The following SIL1 variants were observed in gnomAD, a reference collection of about 807,000 sequenced individuals.
The protein encoded by SIL1 is nucleotide exchange factor SIL1.
In SIL1, 40 loss-of-function variants were observed where a neutral mutation model predicts 49.1. The ratio of observed to expected loss-of-function variants is 0.81; its 90% CI spans 0.63 to 1.06. The LOEUF (loss-of-function observed/expected upper bound fraction) is 1.06. Ranked by LOEUF, SIL1 falls within the 50% of genes least tolerant of loss-of-function variation. The probability of loss-of-function intolerance (pLI) is 0.00; values close to 1 mark genes in which losing one functional copy is unlikely to be tolerated. For synonymous variants in SIL1, 253 were observed against 250.8 expected (o/e 1.01, Z -0.08); for missense variants, 500 against 572.6 (o/e 0.87, Z 1.29).
At chr5:139,083,805 T>C (rs113838095) in intron 3 of SIL1, among the ~76,000 whole-genome samples, 2,670 of 15,020 alleles carry the variant, frequency 0.18, 352 homozygotes, top group Middle Eastern at 0.3. Flanking sequence ...AGGGTTTTTA[T>C]GGTTTTAGGT....
intron 3 of SIL1, among the ~76,000 whole-genome samples, chr5:139,120,672 A>G (rs187922817): frequency 1.6e-3 from 242 of 152,294 alleles, no homozygotes; most frequent in African/African-American, 5.6e-3. Flanking sequence ...CCCAAGAACA[A>G]TATTTCAGCA....
In SIL1 at chr5:139,170,097, A is replaced by C. The variant is rs554090834; in HGVS notation, c.-11+28172T>G. On this transcript the variant is annotated intron_variant, in intron 1 of 9. Transcript: ENST00000394817. ...TTGGCCGGGCTGGTCTCCAGCTCCT[A>C]ACCGCGAGTGATCCGCCAGCCTCGG... 8.5e-5 allele frequency among the ~76,000 whole-genome samples: 13 copies of C among 152,292 alleles called. No homozygotes were observed. In the South Asian group the frequency reaches 2.7e-3, roughly 32 times the overall value.
intron 1 of SIL1, among the ~76,000 whole-genome samples, chr5:139,155,052 C>G (rs939060319): frequency 6.6e-6 from 1 of 152,274 alleles, no homozygotes; most frequent in East Asian, 1.9e-4. Flanking sequence ...GGATACGTAC[C>G]TTTTGGCTGA....
intron 3 of SIL1, among the ~76,000 whole-genome samples, chr5:139,116,622 T>C (rs886564591): frequency 6.6e-6 from 1 of 152,222 alleles, no homozygotes; most frequent in African/African-American, 2.4e-5. Context: ...TACATAGATA[T>C]ATATTTTTAA....
chr5:139,153,700 G>A (rs555769719), intron 1 of SIL1, among the ~76,000 whole-genome samples: 11 of 152,282 alleles, frequency 7.2e-5, no homozygotes, highest in African/African-American at 2.6e-4. Flanking sequence ...ACAGTGTTAA[G>A]TAACTGAGAT....
intron 5 of SIL1, among the ~76,000 whole-genome samples, chr5:139,038,336 A>G (rs1187956450): frequency 6.6e-6 from 1 of 152,224 alleles, no homozygotes; most frequent in East Asian, 1.9e-4. Flanking sequence ...CTTTTTCAGT[A>G]GGTAGACATC....
chr5:139,056,595 TG>T (rs1175357778), intron 3 of SIL1, among the ~76,000 whole-genome samples: 1 of 126,488 alleles, frequency 7.9e-6, no homozygotes, highest in East Asian at 2.5e-4. Flanking sequence ...GGGAGGGAGG[TG>T]GGGGGGTCAG....
At chr5:138,989,395 C>A (rs542166584) in intron 7 of SIL1, among the ~76,000 whole-genome samples, 1 of 152,146 alleles carries the variant, frequency 6.6e-6, no homozygotes, top group East Asian at 1.9e-4. Flanking sequence ...CCAAAAATTA[C>A]AGAAATTATC....
chr5:139,170,284 G>A (rs1339480463), intron 1 of SIL1, among the ~76,000 whole-genome samples: 4 of 152,078 alleles, frequency 2.6e-5, no homozygotes, highest in Non-Finnish European at 4.4e-5. Flanking sequence ...CTGCCCGGCC[G>A]CCACCCCGTC....
At chr5:139,018,274 A>C (rs1168264375) in intron 7 of SIL1, among the ~76,000 whole-genome samples, 1 of 152,152 alleles carries the variant, frequency 6.6e-6, no homozygotes, top group Non-Finnish European at 1.5e-5. Flanking sequence ...CAAGCAGGCA[A>C]ATAAATGCCC....
intron 3 of SIL1, among the ~76,000 whole-genome samples, chr5:139,083,299 A>G (rs1363711825): frequency 1.3e-5 from 2 of 152,188 alleles, no homozygotes; most frequent in African/African-American, 4.8e-5. Context: ...ATTTTTAAAA[A>G]ATCAAATGTG....
chr5:139,184,682 A>G (rs1752047633), intron 1 of SIL1, among the ~76,000 whole-genome samples: 2 of 152,302 alleles, frequency 1.3e-5, no homozygotes, highest in Admixed American at 1.3e-4. Context: ...TAAAAAAACT[A>G]CAACTAAAAA....
intron 7 of SIL1, among the ~76,000 whole-genome samples, chr5:138,988,674 A>G (rs1295185882): frequency 6.6e-6 from 1 of 152,198 alleles, no homozygotes; most frequent in Non-Finnish European, 1.5e-5. Context: ...ATACAGTGCT[A>G]CCAGCCTGAC....
chr5:139,087,531 C>G (rs896834078), intron 3 of SIL1, among the ~76,000 whole-genome samples: 1 of 152,012 alleles, frequency 6.6e-6, no homozygotes, highest in Non-Finnish European at 1.5e-5. Flanking sequence ...GGTGACAGAG[C>G]GAGACCCTAT....
chr5:139,053,644 C>T (rs1156443277), intron 3 of SIL1, among the ~76,000 whole-genome samples: 2 of 152,178 alleles, frequency 1.3e-5, no homozygotes, highest in Non-Finnish European at 2.9e-5. Flanking sequence ...GCTCTAGGCA[C>T]ACTGGTCTTT....
intron 7 of SIL1, among the ~76,000 whole-genome samples, chr5:139,015,998 A>C (rs925761089): frequency 2.0e-5 from 3 of 152,156 alleles, no homozygotes; most frequent in African/African-American, 7.2e-5. Context: ...TGGGGCAAGA[A>C]GACTGCTTGA....
intron 7 of SIL1, among the ~76,000 whole-genome samples, chr5:138,999,977 T>G (rs1017543413): frequency 6.6e-6 from 1 of 152,344 alleles, no homozygotes; most frequent in Admixed American, 6.5e-5. Flanking sequence ...GCCTAATTGC[T>G]CTGGCCAGAA....
intron 3 of SIL1, among the ~76,000 whole-genome samples, chr5:139,073,707 C>A (rs1369821652): frequency 2.0e-5 from 3 of 151,990 alleles, no homozygotes; most frequent in Non-Finnish European, 4.4e-5. Flanking sequence ...TTTGGGAGAC[C>A]GAGGCAGGTG....
At chr5:139,108,031 C>T (rs1383335523) in intron 3 of SIL1, 2 of 152,188 alleles carry the variant, frequency 1.3e-5, no homozygotes, top group Non-Finnish European at 2.9e-5. Flanking sequence ...ACGGCAGCAA[C>T]AATCAAATGC....
Sources: gnomAD v4.1 joint callset for allele counts (sites outside exome capture counted in the v4.1 genomes callset) on GRCh38, gnomAD v4.1.1 for gene constraint, MANE v1.5 for transcripts, NCBI Gene and HGNC (gene_info 2026-07-23, HGNC 2026-07-21) for gene names.